Variants in TMCC3 observed in about 807,000 individuals in gnomAD.
The protein encoded by TMCC3 is transmembrane and coiled-coil domain protein 3.
In TMCC3, 28 loss-of-function variants were observed where a neutral mutation model predicts 40.2. The ratio of observed to expected loss-of-function variants is 0.70; its 90% confidence interval spans 0.52 to 0.95. The LOEUF (loss-of-function observed/expected upper bound fraction) is 0.95, where lower values mean the gene tolerates loss of function less well. Among genes scored for constraint, TMCC3 ranks in the 40% least tolerant of loss-of-function variants. The probability of loss-of-function intolerance (pLI) is 0.00; values close to 1 mark genes in which losing one functional copy is unlikely to be tolerated. For missense variants in TMCC3, 554 were observed against 615.2 expected, an observed-to-expected ratio of 0.90 and a Z score of 1.05; for synonymous variants, 255 against 248.5, an observed-to-expected ratio of 1.03 and a Z score of -0.25.
chr12:94,598,565 A>T, intron 1 of TMCC3: 1 of 981,806 alleles, frequency 1.0e-6, no homozygotes, highest in East Asian at 1.1e-4. Context: ...CTTGCATAAT[A>T]AAAAAATGTG....
chr12:94,635,324 T>C (rs931928328), intron 1 of TMCC3, among the ~76,000 whole-genome samples: 2 of 152,186 alleles, frequency 1.3e-5, no homozygotes, highest in African/African-American at 4.8e-5. Context: ...TCCTGTGACC[T>C]GCAGAACACA....
In TMCC3 at chr12:94,582,102, A is replaced by G. The variant is rs1433256878; in HGVS notation, c.515T>C (p.Val172Ala). 6 of 1,614,122 alleles carry G rather than the reference A, an allele frequency of 3.7e-6. No individual in the cohort carries two copies. In the South Asian group the frequency reaches 5.5e-5, roughly 15 times the overall value. ...GCAATGGGGGGCAGTTCGAGATTTC[A>G]CGTGGGCATCTTTCAAAGAGCGATG... ...DIHRSLKDAHVKSRTAPHCME... is the reference protein window; with the variant it reads ...DIHRSLKDAHAKSRTAPHCME... Residue 172 changes from valine (V) to alanine (A), a missense_variant, in exon 2 of 4, where the codon GTG (valine) becomes GCG (alanine). Coordinates refer to ENST00000261226, the MANE Select transcript of TMCC3 (RefSeq NM_020698.4).
chr12:94,599,879 T>C (rs989912481), intron 1 of TMCC3, among the ~76,000 whole-genome samples: 3 of 152,162 alleles, frequency 2.0e-5, no homozygotes, highest in African/African-American at 7.2e-5. Flanking sequence ...AAAACCTCCT[T>C]AGCCTACTTT....
chr12:94,576,384 G>A (rs1489699779), intron 3 of TMCC3, among the ~76,000 whole-genome samples: 1 of 152,196 alleles, frequency 6.6e-6, no homozygotes, highest in Non-Finnish European at 1.5e-5. Flanking sequence ...CTTGTAAAGT[G>A]GGGCTTGGAC....
chr12:94,574,372 A>G (rs1220024535), intron 3 of TMCC3, among the ~76,000 whole-genome samples: 2 of 149,446 alleles, frequency 1.3e-5, no homozygotes, highest in Non-Finnish European at 3.0e-5. Context: ...CAGGCAACAC[A>G]GTAAGACGGT....
chr12:94,588,759 C>T (rs926544852), intron 1 of TMCC3, among the ~76,000 whole-genome samples: 1 of 152,114 alleles, frequency 6.6e-6, no homozygotes, highest in Non-Finnish European at 1.5e-5. Context: ...TTGTCCAATC[C>T]ACGGCCCAGC....
chr12:94,611,054 C>G (rs1462388901), intron 1 of TMCC3, among the ~76,000 whole-genome samples: 1 of 152,148 alleles, frequency 6.6e-6, no homozygotes, highest in Admixed American at 6.5e-5. Context: ...CATTAGCACA[C>G]TTAAGATACT....
intron 1 of TMCC3, among the ~76,000 whole-genome samples, chr12:94,602,317 A>C (rs2138851093): frequency 6.6e-6 from 1 of 152,346 alleles, no homozygotes; most frequent in Middle Eastern, 3.4e-3. Flanking sequence ...AACTTACCCT[A>C]AGACCTCGCA....
At chr12:94,578,151 A>AG (rs2068577587) in intron 3 of TMCC3, among the ~76,000 whole-genome samples, 1 of 148,270 alleles carries the variant, frequency 6.7e-6, no homozygotes, top group African/African-American at 2.5e-5. Flanking sequence ...CACCTCAAAA[A>AG]AAAAAAAAAA....
chr12:94,635,387 T>C (rs1328012138), intron 1 of TMCC3, among the ~76,000 whole-genome samples: 2 of 152,130 alleles, frequency 1.3e-5, no homozygotes, highest in East Asian at 3.9e-4. Flanking sequence ...GCTGCGATGG[T>C]GTGTCACAAA....
At chr12:94,641,477 C>T (rs866616861) in intron 1 of TMCC3, among the ~76,000 whole-genome samples, 2 of 152,230 alleles carry the variant, frequency 1.3e-5, no homozygotes. Flanking sequence ...AGAAGTCACA[C>T]GGGCTTTTTC....
chr12:94,586,561 C>A (rs1248985950), intron 1 of TMCC3, among the ~76,000 whole-genome samples: 1 of 152,230 alleles, frequency 6.6e-6, no homozygotes, highest in Non-Finnish European at 1.5e-5. Flanking sequence ...ATCTGGCTGG[C>A]ATTCTCTATT....
At chr12:94,585,340 T>C (rs2068631781) in intron 1 of TMCC3, among the ~76,000 whole-genome samples, 1 of 152,188 alleles carries the variant, frequency 6.6e-6, no homozygotes, top group South Asian at 2.1e-4. Flanking sequence ...CTCATATGCA[T>C]GATATTCACA....
chr12:94,612,619 A>C (rs1412828833), intron 1 of TMCC3, among the ~76,000 whole-genome samples: 1 of 152,120 alleles, frequency 6.6e-6, no homozygotes, highest in African/African-American at 2.4e-5. Flanking sequence ...TCAAGTTTTA[A>C]AGTTTGGTTT....
Position 94,581,933 on chromosome 12 carries a change from C to G in TMCC3, c.684G>C (p.Glu228Asp), listed in dbSNP as rs144630569. The G allele has an allele frequency of 2.6e-5, 42 of 1,614,246 alleles. No homozygotes were observed. The African/African-American group carries it at 4.8e-4, about 18-fold the overall frequency. ...TGGCACTCGCCTCTGGCCTAAACTC[C>G]TCTAAGGAATTTTTCAAGTGAGCAA... ...DNIAHLKNSL[E>D]EFRPEASARA... The change falls in exon 2 of 4, where the codon GAG becomes GAC. Residue 228 changes from glutamate to aspartate, a missense_variant. Physicochemically the swap from Glu to Asp is conservative, Grantham distance 45. Transcript: ENST00000261226.
intron 1 of TMCC3, among the ~76,000 whole-genome samples, chr12:94,592,497 A>G (rs1382998167): frequency 6.8e-6 from 1 of 146,944 alleles, no homozygotes; most frequent in Non-Finnish European, 1.5e-5. Context: ...AAAAAAAATG[A>G]GCCGGGTGTG....
At chr12:94,593,763 A>G (rs2068698094) in intron 1 of TMCC3, among the ~76,000 whole-genome samples, 1 of 152,198 alleles carries the variant, frequency 6.6e-6, no homozygotes, top group Non-Finnish European at 1.5e-5. Flanking sequence ...ACACGCACTT[A>G]AAAAATGTAT....
chr12:94,582,607 T>A (rs3747550), intron 1 of TMCC3, 69 bp from the exon 2 acceptor site: 755,462 of 1,383,930 alleles, frequency 0.55, 207,687 homozygotes, highest in African/African-American at 0.69. Context: ...ACAGAATCTA[T>A]GCACATACAA....
At chr12:94,581,569 A>G in intron 2 of TMCC3, 53 bp downstream of exon 2, 1 of 1,164,772 alleles carries the variant, frequency 8.6e-7, no homozygotes, top group African/African-American at 1.6e-5. Flanking sequence ...CATAAAATAA[A>G]AAAATAAATA....
Sources: gnomAD v4.1 joint callset for allele counts (sites outside exome capture counted in the v4.1 genomes callset) on GRCh38, gnomAD v4.1.1 for gene constraint, MANE v1.5 for transcripts, NCBI Gene and HGNC (gene_info 2026-07-23, HGNC 2026-07-21) for gene names.